Variants in GNAQ observed in about 807,000 individuals in gnomAD.
The protein encoded by GNAQ is G protein subunit alpha q.
In GNAQ, 8 loss-of-function variants were observed where a neutral mutation model predicts 43.9. The observed-to-expected ratio is 0.18, with a 90% CI of 0.11 to 0.33. The LOEUF (loss-of-function observed/expected upper bound fraction) is 0.33. GNAQ is among the 10% of genes least tolerant of loss of function. The probability of loss-of-function intolerance (pLI) is 1.00; values close to 1 mark genes in which losing one functional copy is unlikely to be tolerated. For synonymous variants in GNAQ, 155 were observed against 170.7 expected (o/e 0.91, Z 0.71); for missense variants, 158 against 450.8 (o/e 0.35, Z 5.88).
intron 5 of GNAQ, among the ~76,000 whole-genome samples, chr9:77,782,353 TCACTA>T (rs1366388106): frequency 6.6e-6 from 1 of 152,202 alleles, no homozygotes; most frequent in African/African-American, 2.4e-5. Flanking sequence ...TCTGTTCACT[TCACTA>T]AAGTAGATAC....
intron 1 of GNAQ, among the ~76,000 whole-genome samples, chr9:77,950,236 C>G (rs1822958712): frequency 6.6e-6 from 1 of 152,196 alleles, no homozygotes; most frequent in Non-Finnish European, 1.5e-5. Flanking sequence ...CAATTCCTTA[C>G]AAAGGGAATC....
intron 5 of GNAQ, among the ~76,000 whole-genome samples, chr9:77,743,363 C>A (rs1825683185): frequency 6.6e-6 from 1 of 152,134 alleles, no homozygotes; most frequent in South Asian, 2.1e-4. Flanking sequence ...ACACTTAAAA[C>A]CTCTGGGGTG....
At chr9:77,901,539 C>T (rs1287520439) in intron 2 of GNAQ, among the ~76,000 whole-genome samples, 2 of 152,186 alleles carry the variant, frequency 1.3e-5, no homozygotes, top group African/African-American at 4.8e-5. Flanking sequence ...CCTCCTTAGG[C>T]CGAGCTGGAG....
At chr9:78,006,652 T>C (rs1564176391) in intron 1 of GNAQ, among the ~76,000 whole-genome samples, 1 of 152,254 alleles carries the variant, frequency 6.6e-6, no homozygotes, top group Non-Finnish European at 1.5e-5. Flanking sequence ...TCTCCTGAAA[T>C]ACGCCTTTTG....
At chr9:77,797,984 G>C (rs1211034023) in intron 3 of GNAQ, among the ~76,000 whole-genome samples, 1 of 152,182 alleles carries the variant, frequency 6.6e-6, no homozygotes, top group East Asian at 1.9e-4. Context: ...TGTCAAAGCA[G>C]GAGTTTAAAA....
At chr9:77,937,080 T>C (rs1829242784) in intron 1 of GNAQ, among the ~76,000 whole-genome samples, 1 of 152,234 alleles carries the variant, frequency 6.6e-6, no homozygotes, top group Non-Finnish European at 1.5e-5. Context: ...AAAGTACAGG[T>C]AATTAATTTT....
intron 5 of GNAQ, among the ~76,000 whole-genome samples, chr9:77,779,255 T>C (rs1370909414): frequency 6.6e-6 from 1 of 151,646 alleles, no homozygotes; most frequent in Non-Finnish European, 1.5e-5. Flanking sequence ...TAGAAACAAA[T>C]AACCAAAAGA....
chr9:77,896,485 G>A (rs1228901652), intron 2 of GNAQ, among the ~76,000 whole-genome samples: 3 of 152,080 alleles, frequency 2.0e-5, no homozygotes, highest in African/African-American at 7.2e-5. Flanking sequence ...ATCCCTACCT[G>A]CTTTAATATG....
chr9:77,858,408 T>A (rs532568676), intron 2 of GNAQ, among the ~76,000 whole-genome samples: 69 of 152,108 alleles, frequency 4.5e-4, no homozygotes, highest in Non-Finnish European at 8.4e-4. Flanking sequence ...TCAGCCCCCC[T>A]CAACCATTTA....
intron 2 of GNAQ, among the ~76,000 whole-genome samples, chr9:77,912,036 C>A (rs1002446370): frequency 1.3e-5 from 2 of 152,032 alleles, no homozygotes; most frequent in Non-Finnish European, 2.9e-5. Flanking sequence ...AGGAAATCTA[C>A]CTGCCAGTTA....
intron 1 of GNAQ, among the ~76,000 whole-genome samples, chr9:78,027,018 T>C (rs1004394462): frequency 1.3e-5 from 2 of 152,174 alleles, no homozygotes; most frequent in South Asian, 2.1e-4. Context: ...AGGGTTAAAC[T>C]AGCCTCTACA....
chr9:77,802,889 T>C (rs1826768309), intron 3 of GNAQ, among the ~76,000 whole-genome samples: 1 of 152,154 alleles, frequency 6.6e-6, no homozygotes, highest in African/African-American at 2.4e-5. Context: ...TAATGACTTT[T>C]CACTGTGCTG....
intron 1 of GNAQ, among the ~76,000 whole-genome samples, chr9:77,927,963 T>C (rs1045945673): frequency 2.0e-5 from 3 of 152,134 alleles, no homozygotes; most frequent in Non-Finnish European, 2.9e-5. Flanking sequence ...AGCTAGGAGT[T>C]TGAAACATGA....
intron 2 of GNAQ, among the ~76,000 whole-genome samples, chr9:77,832,373 C>T (rs1209271293): frequency 6.6e-6 from 1 of 152,088 alleles, no homozygotes; most frequent in Admixed American, 6.5e-5. Context: ...TCCGGCTCTG[C>T]AGAGCCACAT....
intron 1 of GNAQ, among the ~76,000 whole-genome samples, chr9:77,960,680 T>C (rs966551942): frequency 1.5e-4 from 23 of 151,642 alleles, no homozygotes; most frequent in African/African-American, 5.3e-4. Flanking sequence ...ATACAGAAAA[T>C]AAGAAAATAT....
chr9:78,007,024 T>C (rs1221125733), intron 1 of GNAQ, among the ~76,000 whole-genome samples: 1 of 152,214 alleles, frequency 6.6e-6, no homozygotes, highest in Non-Finnish European at 1.5e-5. Context: ...CTTCCCACTG[T>C]GCAATCTAGG....
rs552219198 is a variant in GNAQ, at chr9:77,750,695, G to A, written c.736-22028C>T. Among the ~76,000 whole-genome samples, 272 of 151,956 alleles carry A rather than the reference G, an allele frequency of 1.8e-3. 2 individuals carry two copies. The highest frequency in any genetic ancestry group is 5.7e-3 in the African/African-American group (238 of 41,426). Reference sequence around the variant, plus strand: ...AAATCCCTCCCTCCCCTGAAATCACGTATGGCTTGTTAAGAACACTTGCTA... The same window carrying A: ...AAATCCCTCCCTCCCCTGAAATCACATATGGCTTGTTAAGAACACTTGCTA... On this transcript the variant is annotated intron_variant, in intron 5 of 6. Transcript: ENST00000286548.
intron 1 of GNAQ, among the ~76,000 whole-genome samples, chr9:77,961,156 CT>C (rs1823102695): frequency 6.6e-6 from 1 of 152,126 alleles, no homozygotes; most frequent in African/African-American, 2.4e-5. Context: ...TACTCATTCA[CT>C]TATAAAATGG....
intron 1 of GNAQ, among the ~76,000 whole-genome samples, chr9:77,980,897 A>C (rs781093085): frequency 6.6e-6 from 1 of 152,202 alleles, no homozygotes; most frequent in Non-Finnish European, 1.5e-5. Context: ...TCACAGTTCT[A>C]TGAATTTTAT....
Sources: allele counts gnomAD v4.1 joint callset (sites outside exome capture counted in the v4.1 genomes callset), GRCh38; gene constraint gnomAD v4.1.1; transcripts MANE v1.5; gene names NCBI Gene and HGNC (gene_info 2026-07-23, HGNC 2026-07-21).